DCAF1: variants seen among roughly 807,000 people sequenced by gnomAD.
The protein encoded by DCAF1 is DDB1- and CUL4-associated factor 1.
DCAF1 carries 15 observed loss-of-function variants against 128.0 expected under a neutral mutation model. The ratio of observed to expected loss-of-function variants is 0.12; its 90% CI spans 0.08 to 0.18. The LOEUF (loss-of-function observed/expected upper bound fraction) is 0.18, where lower values mean the gene tolerates loss of function less well. DCAF1 is among the 10% of genes least tolerant of loss of function. DCAF1 has a pLI of 1.00. For synonymous variants in DCAF1, 610 were observed against 603.0 expected, an observed-to-expected ratio of 1.01 and a Z score of -0.17; for missense variants, 988 against 1,649.5, an observed-to-expected ratio of 0.60 and a Z score of 6.95.
the DCAF1 span, among the ~76,000 whole-genome samples, chr3:51,505,131 G>C: frequency 1.3e-5 from 2 of 151,772 alleles, no homozygotes; most frequent in Non-Finnish European, 2.9e-5. Flanking sequence ...AGGTGTGGTG[G>C]TGCATGCCTG....
At chr3:51,488,210 C>T (rs1318280516) in intron 2 of DCAF1, among the ~76,000 whole-genome samples, 1 of 152,126 alleles carries the variant, frequency 6.6e-6, no homozygotes, top group Non-Finnish European at 1.5e-5. Flanking sequence ...TCTCAAACTT[C>T]TCCAAAACCT....
upstream of DCAF1, among the ~76,000 whole-genome samples, chr3:51,500,844 C>T: frequency 6.9e-6 from 1 of 144,496 alleles, no homozygotes. Flanking sequence ...CAGGGTCTCG[C>T]TCTGTCATCC....
At position 51,419,778 on chromosome 3, in the gene DCAF1, T is replaced by C; in HGVS notation, c.3192A>G (p.Gly1064=). ...TATCAAAGCATCCGCCATCCACCCC[T>C]CCATACTTTGGAAATGATGCCCTGC... ...LNRRASFPKY[G]GVDGGCFDRH... is the part of the protein sequence containing the mutation. The change falls in exon 15 of 25, where the codon GGA becomes GGG. Residue 1064 remains glycine (G), a synonymous_variant. Coordinates refer to ENST00000684031, the MANE Select transcript of DCAF1 (RefSeq NM_001387579.1). 2 of 1,613,940 alleles carry C rather than the reference T, an allele frequency of 1.2e-6. No homozygotes were observed. The highest frequency in any genetic ancestry group is 1.7e-6 in the Non-Finnish European group (2 of 1,179,850).
intron 6 of DCAF1, among the ~76,000 whole-genome samples, chr3:51,451,596 A>T (rs1702358093): frequency 6.6e-6 from 1 of 152,128 alleles, no homozygotes; most frequent in Admixed American, 6.6e-5. Context: ...CCCCATCTCT[A>T]CCAAAAATAC....
At chr3:51,407,264 A>G (rs1697933073) in intron 23 of DCAF1, among the ~76,000 whole-genome samples, 1 of 151,886 alleles carries the variant, frequency 6.6e-6, no homozygotes, top group Non-Finnish European at 1.5e-5. Flanking sequence ...CCTACTTTTT[A>G]AAAAATACTT....
intron 2 of DCAF1, among the ~76,000 whole-genome samples, chr3:51,493,059 ACT>A (rs1293029915): frequency 6.6e-6 from 1 of 151,474 alleles, no homozygotes; most frequent in Non-Finnish European, 1.5e-5. Flanking sequence ...ACAGTTTGGG[ACT>A]CTCTCAAAAA....
Position 51,409,573 on chromosome 3 carries a change from A to G in DCAF1, c.4212+2806T>C, listed in dbSNP as rs559958840. 3.3e-5 allele frequency among the ~76,000 whole-genome samples: 5 copies of G among 152,350 alleles called. No homozygotes were observed. The South Asian group carries it at 1.0e-3, about 32-fold the overall frequency. Reference sequence around the variant, plus strand: ...ATTTATGCTTCAACATGTAACATCCAAGAAGCCTGATTCAGAACTGATACT... The same window carrying G: ...ATTTATGCTTCAACATGTAACATCCGAGAAGCCTGATTCAGAACTGATACT... On this transcript the variant is annotated intron_variant, in intron 23 of 24. Coordinates refer to ENST00000684031, the MANE Select transcript of DCAF1 (RefSeq NM_001387579.1).
upstream of DCAF1, among the ~76,000 whole-genome samples, chr3:51,502,604 G>C (rs1489381285): frequency 6.6e-6 from 1 of 151,870 alleles, no homozygotes; most frequent in Admixed American, 6.6e-5. Flanking sequence ...CCCAGCCTGG[G>C]GCCCTGGGTT....
chr3:51,432,464 GT>G (rs1333206837), intron 10 of DCAF1, among the ~76,000 whole-genome samples: 199 of 141,748 alleles, frequency 1.4e-3, no homozygotes, highest in Middle Eastern at 3.6e-3. Context: ...TCTGTTGTGT[GT>G]TTTTTTTTTT....
At chr3:51,462,165 G>A (rs1703666037) in intron 6 of DCAF1, among the ~76,000 whole-genome samples, 8 of 152,142 alleles carry the variant, frequency 5.3e-5, no homozygotes, top group Admixed American at 5.2e-4. Flanking sequence ...GTTCATGCCT[G>A]TAATCCCAGC....
intron 6 of DCAF1, among the ~76,000 whole-genome samples, chr3:51,453,399 G>A (rs540242037): frequency 4.6e-5 from 7 of 151,834 alleles, no homozygotes; most frequent in South Asian, 2.1e-4. Context: ...AGGCTGAGGC[G>A]GGAGGACTGC....
chr3:51,469,450 A>G (rs1553647704), intron 4 of DCAF1, among the ~76,000 whole-genome samples: 1 of 151,542 alleles, frequency 6.6e-6, no homozygotes, highest in African/African-American at 2.4e-5. Context: ...GGCTGGTCGC[A>G]AACTCCCGAC....
chr3:51,447,538 T>C (rs1701996520), intron 6 of DCAF1, among the ~76,000 whole-genome samples: 1 of 152,224 alleles, frequency 6.6e-6, no homozygotes, highest in Admixed American at 6.5e-5. Flanking sequence ...GTGCCCTTTT[T>C]CCAAACAGTA....
intron 23 of DCAF1, among the ~76,000 whole-genome samples, chr3:51,412,109 TAAAAAA>T (rs782087400): frequency 3.4e-5 from 1 of 29,460 alleles, no homozygotes; most frequent in Non-Finnish European, 6.8e-5. Flanking sequence ...AACTCCATTC[TAAAAAA>T]AAAAAAAAAA....
At chr3:51,505,052 G>A in the DCAF1 span, among the ~76,000 whole-genome samples, 79 of 152,068 alleles carry the variant, frequency 5.2e-4, no homozygotes, top group Non-Finnish European at 8.8e-4. Context: ...ACCTGAGGTC[G>A]AGAGTTCGAG....
In DCAF1 at chr3:51,420,135, T is replaced by C. The variant is rs1553631918; in HGVS notation, c.2835A>G (p.Pro945=). The change falls in exon 15 of 25, where the codon CCA becomes CCG. Residue 945 remains proline (P), a synonymous_variant. Transcript: ENST00000684031. The surrounding 1 kb of genome is among the most constrained non-coding windows in gnomAD (Gnocchi z 6.5). The part of the protein sequence containing the change: ...PPQGPLALPG[P]SYAGNSPLIG... ...TCAAAGGGGAGTTGCCTGCATAAGA[T>C]GGGCCGGGCAGAGCTAGCGGACCCT... 2 of 1,613,982 alleles carry C rather than the reference T, an allele frequency of 1.2e-6. No homozygotes were observed. Among genetic ancestry groups the C allele is most frequent in the African/African-American group, 2.7e-5 (2 of 75,040 alleles).
intron 3 of DCAF1, among the ~76,000 whole-genome samples, chr3:51,478,089 G>A (rs985966163): frequency 1.3e-5 from 2 of 151,942 alleles, no homozygotes; most frequent in Admixed American, 6.6e-5. Flanking sequence ...CTGCAGCCTC[G>A]ACCTACCTGG....
At chr3:51,472,373 G>C (rs185852187) in intron 3 of DCAF1, among the ~76,000 whole-genome samples, 1 of 152,088 alleles carries the variant, frequency 6.6e-6, no homozygotes, top group Admixed American at 6.6e-5. Flanking sequence ...GCCTGATCCA[G>C]AATTTGTTTT....
intron 6 of DCAF1, among the ~76,000 whole-genome samples, chr3:51,461,883 AG>A: frequency 6.6e-6 from 1 of 152,172 alleles, no homozygotes; most frequent in East Asian, 1.9e-4. Context: ...GGACACAGGA[AG>A]GGGAACATCA....
Sources: allele counts gnomAD v4.1 joint callset (sites outside exome capture counted in the v4.1 genomes callset), GRCh38; gene constraint gnomAD v4.1.1; non-coding constraint Gnocchi (gnomAD v3.1); transcripts MANE v1.5; gene names NCBI Gene and HGNC (gene_info 2026-07-23, HGNC 2026-07-21).